The following CLDN16 variants were observed in gnomAD, a reference collection of about 807,000 sequenced individuals.
The protein encoded by CLDN16 is claudin 16.
In CLDN16, 13 loss-of-function variants were observed where a neutral mutation model predicts 24.6. The observed-to-expected ratio is 0.53, with a 90% CI of 0.34 to 0.84. CLDN16 has a LOEUF of 0.84. CLDN16 is among the 40% of genes least tolerant of loss of function. CLDN16 has a pLI of 0.01. For missense variants in CLDN16, 298 were observed against 292.7 expected, an observed-to-expected ratio of 1.02 and a Z score of -0.13; for synonymous variants, 116 against 106.7, an observed-to-expected ratio of 1.09 and a Z score of -0.54.
intron 2 of CLDN16, 58 bp from the exon 3 acceptor site, chr3:190,404,704 T>C (rs1719045076): frequency 6.4e-7 from 1 of 1,565,954 alleles, no homozygotes; most frequent in African/African-American, 1.4e-5. Context: ...TATGTCTCTG[T>C]GAGTTAATAT....
the CLDN16 span, among the ~76,000 whole-genome samples, chr3:190,293,869 G>C: frequency 6.6e-6 from 1 of 152,200 alleles, no homozygotes; most frequent in African/African-American, 2.4e-5. Flanking sequence ...AGGGAGGACA[G>C]AGGGAGAGAA....
chr3:190,338,080 G>A (rs1278136457), intron 1 of CLDN16, among the ~76,000 whole-genome samples: 1 of 152,136 alleles, frequency 6.6e-6, no homozygotes, highest in African/African-American at 2.4e-5. Context: ...CCAGTAGGTA[G>A]AGTACATGAG....
chr3:190,408,368 G>A lies in CLDN16; in HGVS notation c.437G>A (p.Arg146His), dbSNP rs772241737. The A allele has an allele frequency of 3.7e-6, 6 of 1,613,938 alleles. No homozygotes were observed. Among genetic ancestry groups the A allele is most frequent in the African/African-American group, 1.3e-5 (1 of 74,856 alleles). Residue 146 changes from arginine to histidine, a missense_variant, in exon 4 of 5, where the codon CGT becomes CAT. Coordinates refer to ENST00000264734, the MANE Select transcript of CLDN16 (RefSeq NM_006580.4). ...TATGCTGTTGATGTGTATGTGGAAC[G>A]TTCTACTTTGGTTTTGCACAATATA... is the stretch of plus-strand genomic sequence containing the variant. Reference protein sequence around the residue: ...VWYAVDVYVERSTLVLHNIFL... With the variant: ...VWYAVDVYVEHSTLVLHNIFL...
At chr3:190,317,723 C>G (rs75829736), upstream of CLDN16, among the ~76,000 whole-genome samples, 374 of 152,330 alleles carry the variant, frequency 2.5e-3, 13 homozygotes, top group East Asian at 0.06. Context: ...TGCTCAAGTC[C>G]TACAGTTGAT....
At chr3:190,387,930 G>A, upstream of CLDN16, 1 of 624,814 alleles carries the variant, frequency 1.6e-6, no homozygotes. Flanking sequence ...AGAAAGATCA[G>A]TTTACAGGTT....
intron 1 of CLDN16, among the ~76,000 whole-genome samples, chr3:190,352,663 CATT>C (rs1717693475): frequency 6.6e-6 from 1 of 151,990 alleles, no homozygotes; most frequent in Admixed American, 6.6e-5. Flanking sequence ...CTCCGTGTCT[CATT>C]AGTATAAGCA....
intron 1 of CLDN16, among the ~76,000 whole-genome samples, chr3:190,363,556 GTATATATA>G (rs1221514630): frequency 2.7e-4 from 24 of 87,398 alleles, no homozygotes; most frequent in African/African-American, 5.2e-4. Flanking sequence ...GTGTGTGTGT[GTATATATA>G]TATATATATA....
chr3:190,409,246 G>GTATATGTATGTA (rs1560100156), intron 4 of CLDN16, among the ~76,000 whole-genome samples: 23 of 151,730 alleles, frequency 1.5e-4, no homozygotes, highest in African/African-American at 4.9e-4. Flanking sequence ...ATGCACACAC[G>GTATATGTATGTA]TATATGCATG....
chr3:190,362,010 A>AGTCTAACCTG (rs144847568), intron 1 of CLDN16, among the ~76,000 whole-genome samples: 52,521 of 149,734 alleles, frequency 0.35, 9,626 homozygotes, highest in East Asian at 0.55. Context: ...TGGTCTAACC[A>AGTCTAACCTG]GTCTAACCTG....
chr3:190,364,717 C>G (rs922510663), intron 1 of CLDN16, among the ~76,000 whole-genome samples: 1 of 151,846 alleles, frequency 6.6e-6, no homozygotes, highest in East Asian at 1.9e-4. Context: ...AGCCCTTTAT[C>G]GTGCTGGGTC....
the CLDN16 span, among the ~76,000 whole-genome samples, chr3:190,291,305 A>G: frequency 6.6e-6 from 1 of 152,178 alleles, no homozygotes; most frequent in African/African-American, 2.4e-5. Context: ...TGGGTAAATT[A>G]TTAAAAAAGA....
At chr3:190,335,245 C>A (rs553571075) in intron 1 of CLDN16, among the ~76,000 whole-genome samples, 2 of 151,736 alleles carry the variant, frequency 1.3e-5, no homozygotes. Flanking sequence ...AGTTTCACCA[C>A]GTTGGCCAGG....
the CLDN16 span, among the ~76,000 whole-genome samples, chr3:190,299,756 C>T: frequency 6.6e-6 from 1 of 152,164 alleles, no homozygotes; most frequent in Non-Finnish European, 1.5e-5. Context: ...TATTTGTACT[C>T]TCTATTCTAT....
intron 2 of CLDN16, among the ~76,000 whole-genome samples, chr3:190,374,269 TTGTGTG>T (rs3220823): frequency 0.076 from 10,649 of 139,276 alleles, 540 homozygotes; most frequent in East Asian, 0.25. Flanking sequence ...CTGAAAAACA[TTGTGTG>T]TGTGTGTGTG....
chr3:190,313,762 C>T, the CLDN16 span, among the ~76,000 whole-genome samples: 2 of 152,160 alleles, frequency 1.3e-5, no homozygotes, highest in South Asian at 2.1e-4. Context: ...CACAATAATT[C>T]AATGTAGTGT....
At chr3:190,294,764 A>G in the CLDN16 span, among the ~76,000 whole-genome samples, 1 of 152,148 alleles carries the variant, frequency 6.6e-6, no homozygotes, top group African/African-American at 2.4e-5. Context: ...TGTTCTTACT[A>G]TATTAAATAG....
chr3:190,331,819 G>T (rs1398319926), intron 1 of CLDN16, among the ~76,000 whole-genome samples: 2 of 152,080 alleles, frequency 1.3e-5, no homozygotes, highest in Non-Finnish European at 2.9e-5. Context: ...AAACTGAAAG[G>T]GATCTCACTG....
chr3:190,356,049 T>C (rs537000119), intron 1 of CLDN16, among the ~76,000 whole-genome samples: 2 of 151,910 alleles, frequency 1.3e-5, no homozygotes, highest in Admixed American at 6.6e-5. Context: ...TGACTCTTAA[T>C]TTCCTCTTGA....
intron 1 of CLDN16, chr3:190,322,744 G>A (rs994977737): frequency 6.3e-6 from 1 of 159,002 alleles, no homozygotes; most frequent in African/African-American, 2.4e-5. Context: ...CTAACACAAA[G>A]ATGAAAAAAT....
Sources: gnomAD v4.1 joint callset for allele counts (sites outside exome capture counted in the v4.1 genomes callset) on GRCh38, gnomAD v4.1.1 for gene constraint, MANE v1.5 for transcripts, NCBI Gene and HGNC (gene_info 2026-07-23, HGNC 2026-07-21) for gene names.